Variants in RAF1 observed in about 807,000 individuals in gnomAD.
RAF1 encodes Raf-1 proto-oncogene, serine/threonine kinase, also known as RAF proto-oncogene serine/threonine-protein kinase.
Under a neutral mutation model 81.1 loss-of-function variants are expected in RAF1, and 27 were observed. That is an observed-to-expected ratio of 0.33 (90% CI 0.25 to 0.46). The LOEUF is 0.46. Ranked by LOEUF, RAF1 falls within the 20% of genes least tolerant of loss-of-function variation. The pLI is 1.00. For missense variants in RAF1, 598 were observed against 826.0 expected (o/e 0.72, Z 3.38); for synonymous variants, 298 against 294.0 (o/e 1.01, Z -0.14).
chr3:12,617,894 A>AAG (rs1553616494), intron 2 of RAF1, among the ~76,000 whole-genome samples: 1 of 91,678 alleles, frequency 1.1e-5, no homozygotes, highest in Non-Finnish European at 2.3e-5. Flanking sequence ...AAAAAAAAAG[A>AAG]AAAGAAAAAG....
At chr3:12,597,030 C>G (rs911097548) in intron 11 of RAF1, among the ~76,000 whole-genome samples, 2 of 152,048 alleles carry the variant, frequency 1.3e-5, no homozygotes, top group Non-Finnish European at 2.9e-5. Context: ...TCCAAAGTAG[C>G]TGGGACTACA....
At chr3:12,595,875 G>GT (rs2058670132) in intron 11 of RAF1, among the ~76,000 whole-genome samples, 1 of 134,202 alleles carries the variant, frequency 7.5e-6, no homozygotes, top group Non-Finnish European at 1.6e-5. Context: ...AACTCCTTAA[G>GT]TTTCTTTTTT....
Position 12,603,473 on chromosome 3 carries a change from C to T in RAF1, c.894+5G>A, listed in dbSNP as rs1055998265. On this transcript the variant is annotated splice_donor_5th_base_variant and intron_variant, in intron 8 of 17. Coordinates refer to ENST00000442415, the MANE Select transcript of RAF1 (RefSeq NM_001354689.3). ...GAAAGCAAAGGCATGAAGAAAAATA[C>T]CTACTCTTCCCCTCAAACAAAATCG... is the stretch of plus-strand genomic sequence containing the variant. 9 of 696,648 alleles carry T rather than the reference C, an allele frequency of 1.3e-5. No individual in the cohort carries two copies. The highest frequency in any genetic ancestry group is 1.1e-4 in the African/African-American group (6 of 57,130). 43.2% of individuals were successfully genotyped at this position (696,648 alleles called of 1,614,324 possible).
At chr3:12,612,819 T>G (rs982721251) in intron 2 of RAF1, among the ~76,000 whole-genome samples, 1 of 152,234 alleles carries the variant, frequency 6.6e-6, no homozygotes, top group African/African-American at 2.4e-5. Context: ...GTGATTAGAA[T>G]GTATACACAT....
At chr3:12,623,498 C>T (rs187437374) in intron 1 of RAF1, among the ~76,000 whole-genome samples, 1 of 152,326 alleles carries the variant, frequency 6.6e-6, no homozygotes, top group East Asian at 1.9e-4. Context: ...CCACTTACAG[C>T]TTAAGAGGCA....
chr3:12,607,853 A>T (rs1460752460), intron 5 of RAF1, among the ~76,000 whole-genome samples: 2 of 146,390 alleles, frequency 1.4e-5, no homozygotes, highest in Non-Finnish European at 3.0e-5. Context: ...CGGGAGGCTG[A>T]GGCAGGAGAA....
At chr3:12,620,975 CAGA>C (rs2059542415) in intron 1 of RAF1, among the ~76,000 whole-genome samples, 1 of 152,010 alleles carries the variant, frequency 6.6e-6, no homozygotes. Flanking sequence ...AGAAACCATG[CAGA>C]AGTAAGGGGG....
intron 1 of RAF1, among the ~76,000 whole-genome samples, chr3:12,640,999 G>A (rs2060166271): frequency 6.6e-6 from 1 of 152,120 alleles, no homozygotes; most frequent in Admixed American, 6.6e-5. Context: ...TTAAGAAAAT[G>A]TGGCACATAT....
intron 11 of RAF1, among the ~76,000 whole-genome samples, chr3:12,596,438 C>T (rs1432685731): frequency 6.6e-6 from 1 of 152,128 alleles, no homozygotes; most frequent in Non-Finnish European, 1.5e-5. Flanking sequence ...AAATGATCTC[C>T]CTGCCTTGGC....
chr3:12,606,521 T>C (rs534760335), intron 5 of RAF1, among the ~76,000 whole-genome samples: 4 of 152,266 alleles, frequency 2.6e-5, no homozygotes, highest in South Asian at 2.1e-4. Flanking sequence ...CCAATAAACA[T>C]ACAGGCTCCT....
chr3:12,606,688 T>A (rs536966444), intron 5 of RAF1, among the ~76,000 whole-genome samples: 1 of 151,992 alleles, frequency 6.6e-6, no homozygotes, highest in South Asian at 2.1e-4. Flanking sequence ...CACACCACCA[T>A]GCCCAGCTAA....
intron 1 of RAF1, among the ~76,000 whole-genome samples, chr3:12,641,566 A>G (rs550887291): frequency 6.9e-6 from 1 of 145,162 alleles, no homozygotes; most frequent in Admixed American, 7.2e-5. Context: ...ATCTCAGCTC[A>G]TTACAACCTC....
At chr3:12,602,162 G>T (rs2058880788) in intron 8 of RAF1, among the ~76,000 whole-genome samples, 1 of 151,828 alleles carries the variant, frequency 6.6e-6, no homozygotes, top group Non-Finnish European at 1.5e-5. Flanking sequence ...TCTATAGTTG[G>T]ATCAATTTAT....
At chr3:12,655,004 C>CT (rs955377279) in intron 1 of RAF1, among the ~76,000 whole-genome samples, 1 of 145,736 alleles carries the variant, frequency 6.9e-6, no homozygotes, top group African/African-American at 2.5e-5. Flanking sequence ...AGTGAGACCC[C>CT]CCCCCCGCCA....
chr3:12,642,832 A>G (rs1393439959), intron 1 of RAF1, among the ~76,000 whole-genome samples: 1 of 151,482 alleles, frequency 6.6e-6, no homozygotes, highest in Non-Finnish European at 1.5e-5. Context: ...GGCTGCAGAG[A>G]GCCATGATCA....
At chr3:12,587,453 TTC>T in intron 14 of RAF1, 136 bp downstream of exon 13, 1 of 879,062 alleles carries the variant, frequency 1.1e-6, no homozygotes, top group Non-Finnish European at 1.9e-6. Flanking sequence ...TTTCTGACTT[TTC>T]TGTTTTCCTG....
chr3:12,584,484 C>G lies in RAF1; in HGVS notation c.*30G>C. On this transcript the variant is annotated 3_prime_UTR_variant, in exon 18 of 18. Transcript: ENST00000442415. ...GTGCCTGCTGGCTTCTCCTCCTCCC[C>G]TGGCAGCCTGAAGACAGGTGCAAAG... 6.2e-7 allele frequency: 1 copy of G among 1,614,112 alleles called. No homozygotes were observed. Among genetic ancestry groups the G allele is most frequent in the African/African-American group, 1.3e-5 (1 of 75,054 alleles).
chr3:12,585,372 C>A, intron 15 of RAF1, 119 bp from the exon 15 acceptor site: 1 of 1,552,108 alleles, frequency 6.4e-7, no homozygotes, highest in Non-Finnish European at 8.7e-7. Flanking sequence ...TCAGTCCCCA[C>A]ATAGCTTTTC....
At chr3:12,652,011 A>AAAATAAATAAAT (rs58806427) in intron 1 of RAF1, among the ~76,000 whole-genome samples, 104 of 136,714 alleles carry the variant, frequency 7.6e-4, no homozygotes, top group African/African-American at 9.6e-4. Context: ...CTCCATCTCT[A>AAAATAAATAAAT]AAATAAATAA....
Sources: allele counts gnomAD v4.1 joint callset (sites outside exome capture counted in the v4.1 genomes callset), GRCh38; gene constraint gnomAD v4.1.1; transcripts MANE v1.5; gene names NCBI Gene and HGNC (gene_info 2026-07-23, HGNC 2026-07-21).